UBE2Q2: variants seen among roughly 807,000 people sequenced by gnomAD.
UBE2Q2 encodes the protein ubiquitin-conjugating enzyme E2 Q2.
In UBE2Q2, 54 loss-of-function variants were observed where a neutral mutation model predicts 59.9. The ratio of observed to expected loss-of-function variants is 0.90; its 90% confidence interval spans 0.72 to 1.13. The LOEUF (loss-of-function observed/expected upper bound fraction) is 1.13. Ranked by LOEUF, UBE2Q2 falls within the 50% of genes most tolerant of loss-of-function variation. The pLI is 0.00. For synonymous variants in UBE2Q2, 165 were observed against 155.2 expected (o/e 1.06, Z -0.47); for missense variants, 433 against 441.9 (o/e 0.98, Z 0.18).
intron 3 of UBE2Q2, among the ~76,000 whole-genome samples, chr15:75,866,457 G>A (rs1426958830): frequency 1.3e-5 from 2 of 152,186 alleles, no homozygotes; most frequent in Non-Finnish European, 2.9e-5. Flanking sequence ...ACAGGCATGA[G>A]CCACCGTGTC....
At chr15:75,893,342 C>T (rs1899211510) in intron 11 of UBE2Q2, among the ~76,000 whole-genome samples, 1 of 152,066 alleles carries the variant, frequency 6.6e-6, no homozygotes, top group African/African-American at 2.4e-5. Context: ...AAATAGGATT[C>T]TGGAACAGAA....
Position 75,843,611 on chromosome 15 carries a change from T to C in UBE2Q2, c.-56T>C. 1.0e-5 allele frequency: 15 copies of C among 1,463,346 alleles called. No homozygotes were observed. Among genetic ancestry groups the C allele is most frequent in the South Asian group, 2.5e-5 (2 of 79,402 alleles). 90.6% of individuals were successfully genotyped at this position (1,463,346 alleles called of 1,614,324 possible). ...CCGTGACGGCGGCTCCGGGCCCGGCTCCCCTTCCGCGCCCGGCTCCCCTTC... is the reference window on the plus strand; with the variant it reads ...CCGTGACGGCGGCTCCGGGCCCGGCCCCCCTTCCGCGCCCGGCTCCCCTTC... On this transcript the variant is annotated 5_prime_UTR_variant, in exon 1 of 13. Transcript: ENST00000267938.
chr15:75,892,528 G>C (rs1899158797), intron 11 of UBE2Q2, among the ~76,000 whole-genome samples: 1 of 152,108 alleles, frequency 6.6e-6, no homozygotes, highest in Non-Finnish European at 1.5e-5. Context: ...TGATGAAGAA[G>C]ACCTGAAAAG....
chr15:75,873,731 C>T (rs1488989992), intron 5 of UBE2Q2, among the ~76,000 whole-genome samples, 163 bp downstream of exon 5: 8 of 152,184 alleles, frequency 5.3e-5, no homozygotes, highest in Non-Finnish European at 1.0e-4. Flanking sequence ...CTTGCTCTGT[C>T]GCCTAGGCTA....
intron 1 of UBE2Q2, among the ~76,000 whole-genome samples, chr15:75,847,029 T>G (rs1896388575): frequency 6.6e-6 from 1 of 152,234 alleles, no homozygotes; most frequent in East Asian, 1.9e-4. Context: ...ATGCTGTTAT[T>G]TCCCCTTCCT....
chr15:75,872,875 G>T (rs1462092534), intron 4 of UBE2Q2, among the ~76,000 whole-genome samples: 1 of 140,226 alleles, frequency 7.1e-6, no homozygotes, highest in Non-Finnish European at 1.6e-5. Flanking sequence ...ATTCTTTTTT[G>T]TATTGTTTTT....
At chr15:75,881,093 T>A (rs570036352) in intron 8 of UBE2Q2, among the ~76,000 whole-genome samples, 69 of 152,138 alleles carry the variant, frequency 4.5e-4, no homozygotes, top group Admixed American at 2.0e-3. Flanking sequence ...ATGGCTACAT[T>A]TTTACTAATT....
intron 1 of UBE2Q2, among the ~76,000 whole-genome samples, chr15:75,847,326 G>C (rs1456482502): frequency 1.3e-5 from 2 of 152,144 alleles, no homozygotes; most frequent in Non-Finnish European, 2.9e-5. Flanking sequence ...AGTACAAAAA[G>C]GTCTCTAAGG....
chr15:75,857,885 AT>A (rs1422948969), intron 2 of UBE2Q2, among the ~76,000 whole-genome samples: 4 of 152,318 alleles, frequency 2.6e-5, no homozygotes, highest in South Asian at 4.1e-4. Flanking sequence ...TGTAAAAAAA[AT>A]CTATATGCTT....
At chr15:75,847,124 T>C (rs1363550788) in intron 1 of UBE2Q2, among the ~76,000 whole-genome samples, 1 of 152,238 alleles carries the variant, frequency 6.6e-6, no homozygotes, top group South Asian at 2.1e-4. Flanking sequence ...CTTTTTATGG[T>C]GGCAGGGGAG....
At chr15:75,844,044 G>A (rs1595844011) in intron 1 of UBE2Q2, 198 bp downstream of exon 1, 1 of 1,407,806 alleles carries the variant, frequency 7.1e-7, no homozygotes, top group Non-Finnish European at 9.2e-7. Context: ...GGCGGAGGGC[G>A]CGTCTTTCCG....
At chr15:75,888,118 C>T (rs573418959) in intron 9 of UBE2Q2, among the ~76,000 whole-genome samples, 20 of 152,210 alleles carry the variant, frequency 1.3e-4, no homozygotes, top group South Asian at 2.1e-4. Flanking sequence ...TATGATAAAA[C>T]GCTTCGAAGT....
At chr15:75,844,034 G>A in intron 1 of UBE2Q2, 188 bp downstream of exon 1, 1 of 1,408,988 alleles carries the variant, frequency 7.1e-7, no homozygotes, top group Non-Finnish European at 9.2e-7. Context: ...GGTGGGAGGA[G>A]GCGGAGGGCG....
chr15:75,850,417 C>G (rs904525106), intron 1 of UBE2Q2, among the ~76,000 whole-genome samples: 4 of 152,096 alleles, frequency 2.6e-5, no homozygotes, highest in Non-Finnish European at 5.9e-5. Flanking sequence ...TTACTCCTTA[C>G]GTGTAGGCAA....
At chr15:75,859,184 C>A (rs1309271946) in intron 2 of UBE2Q2, among the ~76,000 whole-genome samples, 1 of 152,200 alleles carries the variant, frequency 6.6e-6, no homozygotes, top group East Asian at 1.9e-4. Context: ...TGGACTTAAA[C>A]ATGGAAATTT....
intron 5 of UBE2Q2, among the ~76,000 whole-genome samples, chr15:75,875,909 T>A (rs142009938): frequency 6.7e-5 from 10 of 149,488 alleles, no homozygotes; most frequent in Non-Finnish European, 1.5e-4. Flanking sequence ...AAAAAAAAAA[T>A]ACAAAATTTA....
chr15:75,857,813 A>C (rs1438098562), intron 2 of UBE2Q2, among the ~76,000 whole-genome samples: 1 of 151,756 alleles, frequency 6.6e-6, no homozygotes, highest in Admixed American at 6.6e-5. Flanking sequence ...GATTTCTAAG[A>C]TATATTAAAT....
At chr15:75,864,934 T>G (rs1595870500) in intron 3 of UBE2Q2, among the ~76,000 whole-genome samples, 2 of 152,258 alleles carry the variant, frequency 1.3e-5, no homozygotes, top group African/African-American at 4.8e-5. Context: ...TTTGAGTTTA[T>G]TGCACAAGTT....
At chr15:75,889,713 A>G (rs1430248795) in intron 9 of UBE2Q2, among the ~76,000 whole-genome samples, 3 of 152,244 alleles carry the variant, frequency 2.0e-5, no homozygotes, top group Admixed American at 6.5e-5. Flanking sequence ...TTCTAAAACT[A>G]TCATTCCCTT....
Sources: allele counts gnomAD v4.1 joint callset (sites outside exome capture counted in the v4.1 genomes callset), GRCh38; gene constraint gnomAD v4.1.1; transcripts MANE v1.5; gene names NCBI Gene and HGNC (gene_info 2026-07-23, HGNC 2026-07-21).